The following NCKAP5 variants were observed in gnomAD, a reference collection of about 807,000 sequenced individuals.
NCKAP5 encodes nck-associated protein 5.
In NCKAP5, 92 loss-of-function variants were observed where a neutral mutation model predicts 167.0. The observed-to-expected ratio is 0.55, with a 90% CI of 0.47 to 0.66. The LOEUF (loss-of-function observed/expected upper bound fraction) is 0.66, where lower values mean the gene tolerates loss of function less well. NCKAP5 is among the 30% of genes least tolerant of loss of function. The probability of loss-of-function intolerance (pLI) is 0.00; values close to 1 mark genes in which losing one functional copy is unlikely to be tolerated. For missense variants in NCKAP5, 2,378 were observed against 2,315.0 expected, an observed-to-expected ratio of 1.03 and a Z score of -0.56; for synonymous variants, 891 against 877.4, an observed-to-expected ratio of 1.02 and a Z score of -0.27.
At chr2:133,038,062 G>A (rs916004527) in intron 6 of NCKAP5, among the ~76,000 whole-genome samples, 3 of 152,098 alleles carry the variant, frequency 2.0e-5, no homozygotes, top group Admixed American at 6.6e-5. Context: ...GTTTAGAGAT[G>A]CCTCAAAAAA....
intron 11 of NCKAP5, among the ~76,000 whole-genome samples, chr2:132,813,188 G>T (rs930309316): frequency 2.0e-5 from 3 of 152,232 alleles, no homozygotes; most frequent in African/African-American, 7.2e-5. Context: ...TTCAAGAGGG[G>T]AATGGTGAGA....
intron 6 of NCKAP5, among the ~76,000 whole-genome samples, chr2:133,113,361 A>G (rs1190609903): frequency 6.6e-6 from 1 of 152,268 alleles, no homozygotes; most frequent in Non-Finnish European, 1.5e-5. Flanking sequence ...ACTGTTATTA[A>G]TATTTGCAAA....
intron 3 of NCKAP5, among the ~76,000 whole-genome samples, chr2:133,470,612 C>T (rs530764588): frequency 6.6e-6 from 1 of 152,226 alleles, no homozygotes; most frequent in African/African-American, 2.4e-5. Context: ...CCCCCAGCCT[C>T]GCTGCCGCCT....
intron 8 of NCKAP5, among the ~76,000 whole-genome samples, chr2:132,885,050 T>C (rs1339386663): frequency 6.6e-6 from 1 of 152,240 alleles, no homozygotes; most frequent in Non-Finnish European, 1.5e-5. Context: ...ACCAATTTAA[T>C]TGATGTAATC....
intron 2 of NCKAP5, among the ~76,000 whole-genome samples, chr2:133,524,926 T>C (rs1237934433): frequency 1.3e-5 from 2 of 152,082 alleles, no homozygotes; most frequent in African/African-American, 4.8e-5. Flanking sequence ...GCATGTGTGT[T>C]CATGTGTGTA....
At chr2:133,150,050 C>A (rs548371608) in intron 5 of NCKAP5, among the ~76,000 whole-genome samples, 1 of 152,250 alleles carries the variant, frequency 6.6e-6, no homozygotes, top group South Asian at 2.1e-4. Context: ...ATAACAGAAA[C>A]AACAGGATTT....
At chr2:133,453,363 T>C (rs1054152065) in intron 3 of NCKAP5, among the ~76,000 whole-genome samples, 11 of 152,142 alleles carry the variant, frequency 7.2e-5, no homozygotes, top group Non-Finnish European at 1.5e-4. Context: ...AGAACTGCAA[T>C]AATTCCAATT....
At chr2:132,872,918 G>T (rs1035642040) in intron 9 of NCKAP5, among the ~76,000 whole-genome samples, 3 of 152,138 alleles carry the variant, frequency 2.0e-5, no homozygotes, top group African/African-American at 7.2e-5. Flanking sequence ...ACTTTTCTCA[G>T]CCATAAAATA....
chr2:132,953,825 A>G (rs186891465), intron 8 of NCKAP5, among the ~76,000 whole-genome samples: 8 of 152,160 alleles, frequency 5.3e-5, no homozygotes, highest in Non-Finnish European at 1.0e-4. Flanking sequence ...GCTGGTTGAA[A>G]TGCTCCACCC....
chr2:133,391,655 T>C (rs1012777404), intron 3 of NCKAP5, among the ~76,000 whole-genome samples: 1 of 152,170 alleles, frequency 6.6e-6, no homozygotes, highest in African/African-American at 2.4e-5. Flanking sequence ...CTAAATCTAA[T>C]GTTGTGTCCA....
At chr2:133,484,812 A>T (rs1385679744) in intron 3 of NCKAP5, among the ~76,000 whole-genome samples, 1 of 152,110 alleles carries the variant, frequency 6.6e-6, no homozygotes, top group Admixed American at 6.5e-5. Flanking sequence ...AAAATCAAAA[A>T]AAAATTGAAA....
chr2:132,698,235 T>C (rs1178934837), intron 19 of NCKAP5, among the ~76,000 whole-genome samples: 2 of 152,226 alleles, frequency 1.3e-5, no homozygotes, highest in Non-Finnish European at 2.9e-5. Context: ...CACAGACACC[T>C]GCTCATTTTT....
intron 3 of NCKAP5, among the ~76,000 whole-genome samples, chr2:133,479,743 T>C (rs1680258999): frequency 1.3e-5 from 2 of 152,076 alleles, no homozygotes; most frequent in South Asian, 4.2e-4. Flanking sequence ...AAATAAAAGA[T>C]GATGAACCCA....
intron 8 of NCKAP5, among the ~76,000 whole-genome samples, chr2:132,883,129 G>C (rs147937821): frequency 2.0e-3 from 308 of 151,140 alleles, no homozygotes; most frequent in South Asian, 6.4e-3. Context: ...TTGAGCCCCA[G>C]GAGGTCAAGG....
chr2:133,498,574 T>A, intron 3 of NCKAP5, among the ~76,000 whole-genome samples: 1 of 133,612 alleles, frequency 7.5e-6, no homozygotes, highest in African/African-American at 2.8e-5. Flanking sequence ...AAAAGAGGAA[T>A]GGTAGGGAGA....
intron 6 of NCKAP5, among the ~76,000 whole-genome samples, chr2:133,055,211 A>C (rs1036692102): frequency 2.6e-5 from 4 of 152,134 alleles, no homozygotes; most frequent in Admixed American, 6.6e-5. Context: ...ACTGTAGTCC[A>C]ATCAGCCAAA....
In NCKAP5 at chr2:133,547,600, AC is replaced by A. The variant is rs1299855293; in HGVS notation, c.-62+11449del. On this transcript the variant is annotated intron_variant, in intron 2 of 19. Transcript: ENST00000409261. ...CCCCCGAGCAGCCTAACTGGGAGGCACCCCCCAGCAGGGGCACACTGACACC... is the reference window on the plus strand; with the variant it reads ...CCCCCGAGCAGCCTAACTGGGAGGCACCCCCAGCAGGGGCACACTGACACC... Among the ~76,000 whole-genome samples the A allele has an allele frequency of 2.0e-3, 292 of 147,106 alleles. 1 individual carries two copies. The highest frequency in any genetic ancestry group is 6.5e-3 in the African/African-American group (263 of 40,596).
At chr2:133,218,826 G>A (rs915070886) in intron 4 of NCKAP5, among the ~76,000 whole-genome samples, 4 of 152,236 alleles carry the variant, frequency 2.6e-5, no homozygotes, top group African/African-American at 7.2e-5. Context: ...AAAAGAGATG[G>A]CCTTTATAAA....
intron 3 of NCKAP5, among the ~76,000 whole-genome samples, chr2:133,407,636 G>A (rs933834808): frequency 6.6e-6 from 1 of 152,184 alleles, no homozygotes; most frequent in Non-Finnish European, 1.5e-5. Context: ...TCCCAAGCTG[G>A]CTGGTTTGAA....
Sources: gnomAD v4.1 joint callset for allele counts (sites outside exome capture counted in the v4.1 genomes callset) on GRCh38, gnomAD v4.1.1 for gene constraint, MANE v1.5 for transcripts, NCBI Gene and HGNC (gene_info 2026-07-23, HGNC 2026-07-21) for gene names.